Variants in ZBTB8A observed in about 807,000 individuals in gnomAD.
ZBTB8A encodes the protein zinc finger and BTB domain containing 8A.
A neutral mutation model predicts 37.8 loss-of-function variants in ZBTB8A; 19 were observed. The observed-to-expected ratio is 0.50, with a 90% CI of 0.35 to 0.74. The LOEUF (loss-of-function observed/expected upper bound fraction) is 0.74, where lower values mean the gene tolerates loss of function less well. ZBTB8A is among the 30% of genes least tolerant of loss of function. ZBTB8A has a pLI of 0.01. For synonymous variants in ZBTB8A, 181 were observed against 185.2 expected (o/e 0.98, Z 0.19); for missense variants, 394 against 537.8 (o/e 0.73, Z 2.65).
At chr1:32,567,998 C>T (rs958340092) in intron 2 of ZBTB8A, among the ~76,000 whole-genome samples, 2 of 151,354 alleles carry the variant, frequency 1.3e-5, no homozygotes, top group Non-Finnish European at 3.0e-5. Flanking sequence ...AAAAATTAGC[C>T]AAGTGTGGTG....
intron 2 of ZBTB8A, among the ~76,000 whole-genome samples, chr1:32,580,810 G>A (rs150190179): frequency 1.2e-3 from 185 of 151,914 alleles, no homozygotes; most frequent in African/African-American, 4.2e-3. Flanking sequence ...TCTCATGCCA[G>A]CATCTGGCAA....
chr1:32,554,447 C>T (rs1644183683), intron 2 of ZBTB8A, among the ~76,000 whole-genome samples: 1 of 148,756 alleles, frequency 6.7e-6, no homozygotes, highest in Non-Finnish European at 1.5e-5. Context: ...CATATTTGAA[C>T]TACATTTTAA....
chr1:32,540,245 C>T (rs1313919551), intron 1 of ZBTB8A, among the ~76,000 whole-genome samples: 2 of 152,076 alleles, frequency 1.3e-5, no homozygotes, highest in Non-Finnish European at 2.9e-5. Flanking sequence ...CGGCTTGTTC[C>T]CTTCCCCTTC....
At chr1:32,542,895 T>C (rs12752001) in intron 1 of ZBTB8A, among the ~76,000 whole-genome samples, 103 of 152,330 alleles carry the variant, frequency 6.8e-4, no homozygotes, top group Admixed American at 1.2e-3. Flanking sequence ...AAAGTCACTC[T>C]ACTGAAAGAA....
chr1:32,592,475 G>C (rs1296915778), intron 2 of ZBTB8A, among the ~76,000 whole-genome samples: 2 of 151,876 alleles, frequency 1.3e-5, no homozygotes, highest in Non-Finnish European at 2.9e-5. Flanking sequence ...AGGAGTTCAA[G>C]GTTGCAGTGA....
Position 32,547,352 on chromosome 1 carries a change from CT to C in ZBTB8A, c.-83-6092del, listed in dbSNP as rs769532413. Among the ~76,000 whole-genome samples, 1,058 of 131,666 alleles carry C rather than the reference CT, an allele frequency of 8.0e-3. 7 individuals are homozygous for C. Among genetic ancestry groups the C allele is most frequent in the African/African-American group, 0.02 (722 of 36,176 alleles). The allele number at this position is 131,666 out of a possible 152,430, so 86.4% of individuals were successfully genotyped here. A position where few individuals can be genotyped will look rare whatever the true frequency, so the allele number is the denominator to read the frequency against. Reference sequence around the variant, plus strand: ...AGTATAAACAAATTTTCTTTTCTTTCTTTTTTTTTTTTTTTAGTAGAGATGG... The same window carrying C: ...AGTATAAACAAATTTTCTTTTCTTTCTTTTTTTTTTTTTTAGTAGAGATGG... On this transcript the variant is annotated intron_variant, in intron 1 of 4. Transcript: ENST00000373510.
At chr1:32,540,884 T>A in intron 1 of ZBTB8A, among the ~76,000 whole-genome samples, 1 of 152,102 alleles carries the variant, frequency 6.6e-6, no homozygotes, top group Non-Finnish European at 1.5e-5. Flanking sequence ...CAAATGGGTG[T>A]CTGGGTGGAT....
chr1:32,588,814 T>A (rs1215639242), intron 2 of ZBTB8A, among the ~76,000 whole-genome samples: 1 of 151,928 alleles, frequency 6.6e-6, no homozygotes. Flanking sequence ...TGAAACCCCA[T>A]CTCTACCAAA....
At chr1:32,552,237 A>G (rs1162132745) in intron 1 of ZBTB8A, among the ~76,000 whole-genome samples, 1 of 152,072 alleles carries the variant, frequency 6.6e-6, no homozygotes, top group Non-Finnish European at 1.5e-5. Context: ...GGTGGTGGGT[A>G]CTTGTAGTCC....
At chr1:32,594,926 C>A (rs1644518211) in intron 3 of ZBTB8A, 128 bp from the exon 4 acceptor site, 5 of 1,037,584 alleles carry the variant, frequency 4.8e-6, no homozygotes, top group Non-Finnish European at 6.6e-6. Flanking sequence ...CTTGTGAATT[C>A]TTTTTATTTC....
intron 2 of ZBTB8A, among the ~76,000 whole-genome samples, chr1:32,578,634 CTTTCA>C (rs992000821): frequency 2.2e-4 from 34 of 151,970 alleles, no homozygotes; most frequent in African/African-American, 8.2e-4. Flanking sequence ...TCTAGCATCT[CTTTCA>C]TTTCTAGATC....
rs1359316635 is a variant in ZBTB8A at position 32,604,089 on chromosome 1, T to C, written c.*3670T>C. ...TTTTTTTTTTAATATCAAGACTTGG[T>C]TAGACCAAAGTTTGCTCTTGCAGGA... On this transcript the variant is annotated 3_prime_UTR_variant, in exon 5 of 5. Transcript: ENST00000373510. 6.6e-6 allele frequency: 1 copy of C among 152,178 alleles called. No individual in the cohort carries two copies. Among genetic ancestry groups the C allele is most frequent in the Non-Finnish European group, 1.5e-5 (1 of 68,040 alleles). 9.4% of individuals were successfully genotyped at this position (152,178 alleles called of 1,614,324 possible).
intron 1 of ZBTB8A, among the ~76,000 whole-genome samples, chr1:32,548,426 C>A (rs1644124244): frequency 6.6e-6 from 1 of 152,018 alleles, no homozygotes; most frequent in South Asian, 2.1e-4. Context: ...CCACCGTCTC[C>A]AGGGTTCAAG....
intron 3 of ZBTB8A, 76 bp from the exon 4 acceptor site, chr1:32,594,978 G>T: frequency 3.2e-5 from 42 of 1,294,392 alleles, no homozygotes; most frequent in South Asian, 8.0e-5. Flanking sequence ...GTTTCCATTG[G>T]GCTTGGATTG....
chr1:32,570,326 G>GT, intron 2 of ZBTB8A, among the ~76,000 whole-genome samples: 1 of 152,246 alleles, frequency 6.6e-6, no homozygotes, highest in African/African-American at 2.4e-5. Flanking sequence ...CATAGTTATA[G>GT]TAAGTCTTGT....
At chr1:32,599,196 C>G (rs1644554971) in intron 4 of ZBTB8A, among the ~76,000 whole-genome samples, 1 of 150,728 alleles carries the variant, frequency 6.6e-6, no homozygotes, top group Non-Finnish European at 1.5e-5. Context: ...GATTGCACCC[C>G]CCGCCCCCAC....
intron 2 of ZBTB8A, among the ~76,000 whole-genome samples, chr1:32,554,811 T>C (rs1644187815): frequency 6.6e-6 from 1 of 152,108 alleles, no homozygotes; most frequent in Non-Finnish European, 1.5e-5. Flanking sequence ...TCCAGGCAAT[T>C]GTATGGAACT....
chr1:32,571,601 G>GGGTGAGACAATT (rs1447305159), intron 2 of ZBTB8A, among the ~76,000 whole-genome samples: 1 of 151,044 alleles, frequency 6.6e-6, no homozygotes, highest in Non-Finnish European at 1.5e-5. Context: ...TTGAGACAAC[G>GGGTGAGACAATT]TCTTGCTCTG....
At chr1:32,570,885 T>C (rs1162605303) in intron 2 of ZBTB8A, among the ~76,000 whole-genome samples, 2 of 152,048 alleles carry the variant, frequency 1.3e-5, no homozygotes, top group East Asian at 3.8e-4. Context: ...TATTTCTTTT[T>C]TTTTTTTTAA....
Sources: gnomAD v4.1 joint callset for allele counts (sites outside exome capture counted in the v4.1 genomes callset) on GRCh38, gnomAD v4.1.1 for gene constraint, MANE v1.5 for transcripts, NCBI Gene and HGNC (gene_info 2026-07-23, HGNC 2026-07-21) for gene names.